CTCFL: variants seen among roughly 807,000 people sequenced by gnomAD.
The protein encoded by CTCFL is CCCTC-binding factor like.
In CTCFL, 36 loss-of-function variants were observed where a neutral mutation model predicts 67.4. That is an observed-to-expected ratio of 0.53 (90% confidence interval 0.41 to 0.71). CTCFL has a LOEUF of 0.71. CTCFL is among the 30% of genes least tolerant of loss of function. The probability of loss-of-function intolerance (pLI) is 0.00; values close to 1 mark genes in which losing one functional copy is unlikely to be tolerated. For missense variants in CTCFL, 786 were observed against 835.2 expected, an observed-to-expected ratio of 0.94 and a Z score of 0.73; for synonymous variants, 324 against 302.3, an observed-to-expected ratio of 1.07 and a Z score of -0.75.
intron 6 of CTCFL, 85 bp downstream of exon 6, chr20:57,515,625 TTTAA>T: frequency 6.4e-7 from 1 of 1,563,862 alleles, no homozygotes; most frequent in Non-Finnish European, 8.8e-7. Context: ...ACCTTTGAAC[TTTAA>T]TTGTGCCAAT....
intron 1 of CTCFL, chr20:57,524,710 G>C: frequency 1.0e-6 from 1 of 997,308 alleles, no homozygotes; most frequent in Non-Finnish European, 1.2e-6. Flanking sequence ...TCGGGCCCGA[G>C]CAGGCATTCC....
At chr20:57,514,566 AAAAG>A (rs1416029788) in intron 7 of CTCFL, 22 bp downstream of exon 7, 1 of 1,612,584 alleles carries the variant, frequency 6.2e-7, no homozygotes. Context: ...ATGCTGTAGT[AAAAG>A]AAAGATCGCT....
intron 1 of CTCFL, 93 bp from the exon 2 acceptor site, chr20:57,524,309 G>C: frequency 4.0e-6 from 6 of 1,517,262 alleles, no homozygotes; most frequent in Non-Finnish European, 5.2e-6. Flanking sequence ...GCAGGCTTTG[G>C]AGTTGAAACA....
In CTCFL at chr20:57,524,010, C is replaced by A. The variant is rs1201179389; in HGVS notation, c.196G>T (p.Glu66Ter). The A allele has an allele frequency of 6.2e-7, 1 of 1,613,346 alleles. No homozygotes were observed. The highest frequency in any genetic ancestry group is 8.5e-7 in the Non-Finnish European group (1 of 1,179,994). ...FQDSVLEEEV[E>*]LVLAPSEESE... is the part of the protein sequence containing the mutation. ...TCCTCCGAGGGGGCCAGCACCAGCT[C>A]CACTTCTTCCTCCAGGACGCTGTCC... The change falls in exon 2 of 11, where the codon GAG becomes TAG. Residue 66 changes from glutamate to a stop codon, truncating the protein, a stop_gained. Coordinates refer to ENST00000243914, the MANE Select transcript of CTCFL (RefSeq NM_001386993.1). LOFTEE classifies it high-confidence loss of function.
chr20:57,516,306 GA>G (rs2068920116), intron 5 of CTCFL, among the ~76,000 whole-genome samples: 1 of 152,174 alleles, frequency 6.6e-6, no homozygotes, highest in South Asian at 2.1e-4. Flanking sequence ...GGGAGGCTGA[GA>G]GGGGTGGATC....
At chr20:57,503,693 A>G in intron 9 of CTCFL, 92 bp from the exon 10 acceptor site, 1 of 1,399,008 alleles carries the variant, frequency 7.1e-7, no homozygotes, top group Admixed American at 2.1e-5. Flanking sequence ...CATGGAAAGA[A>G]AGAAAAATCC....
intron 8 of CTCFL, among the ~76,000 whole-genome samples, chr20:57,511,857 T>A (rs1210410979): frequency 6.6e-6 from 1 of 152,218 alleles, no homozygotes; most frequent in Non-Finnish European, 1.5e-5. Context: ...CCTCCCAAAG[T>A]GCTGGGATTG....
At chr20:57,514,457 G>T in intron 7 of CTCFL, 135 bp downstream of exon 7, 1 of 1,022,098 alleles carries the variant, frequency 9.8e-7, no homozygotes, top group Non-Finnish European at 1.5e-6. Flanking sequence ...ACTTCTGGAA[G>T]AAAATTCGTC....
In CTCFL at chr20:57,523,954, C is replaced by G; in HGVS notation, c.252G>C (p.Thr84=). ...ESEKYILTLQ[T]VHFTSEAVEL... ...CCACAGCTTCAGAAGTGAAGTGCAC[C>G]GTCTGCAGGGTCAGGATGTACTTCT... The change falls in exon 2 of 11, where the codon ACG becomes ACC. Residue 84 remains threonine, a synonymous_variant. Transcript: ENST00000243914. The G allele has an allele frequency of 6.2e-7, 1 of 1,613,108 alleles. No individual in the cohort carries two copies. The highest frequency in any genetic ancestry group is 8.5e-7 in the Non-Finnish European group (1 of 1,180,018).
intron 9 of CTCFL, chr20:57,507,004 A>T: frequency 1.0e-6 from 1 of 985,146 alleles, no homozygotes; most frequent in Non-Finnish European, 1.2e-6. Flanking sequence ...AACTTCAGGA[A>T]ATTCAACTTT....
intron 7 of CTCFL, chr20:57,513,165 T>A: frequency 1.2e-6 from 1 of 812,218 alleles, no homozygotes; most frequent in Non-Finnish European, 1.5e-6. Context: ...TGAGAACTAT[T>A]ATGGGGTAGG....
intron 8 of CTCFL, among the ~76,000 whole-genome samples, chr20:57,511,595 C>CG (rs1172402053): frequency 6.6e-6 from 1 of 150,686 alleles, no homozygotes; most frequent in African/African-American, 2.5e-5. Context: ...TAATCCCCCC[C>CG]CTTTTTTTTT....
chr20:57,522,707 C>G (rs561335643), intron 3 of CTCFL, among the ~76,000 whole-genome samples: 1 of 152,290 alleles, frequency 6.6e-6, no homozygotes, highest in Admixed American at 6.5e-5. Context: ...AAGGAGGAAT[C>G]ACTCCTTCTC....
chr20:57,523,028 C>T, intron 3 of CTCFL, 40 bp downstream of exon 3: 2 of 1,504,526 alleles, frequency 1.3e-6, no homozygotes, highest in South Asian at 2.4e-5. Flanking sequence ...AACAGCAGCC[C>T]AGTTTTAGGG....
intron 4 of CTCFL, 58 bp downstream of exon 4, chr20:57,519,149 C>A: frequency 6.5e-7 from 1 of 1,535,378 alleles, no homozygotes; most frequent in South Asian, 1.2e-5. Context: ...GATTCACATT[C>A]TTAACATAAG....
chr20:57,518,974 C>G, intron 4 of CTCFL, 83 bp from the exon 5 acceptor site: 1 of 1,466,676 alleles, frequency 6.8e-7, no homozygotes, highest in Non-Finnish European at 9.2e-7. Flanking sequence ...TAATTACACT[C>G]AGTCTCAAAA....
chr20:57,512,528 A>G, intron 8 of CTCFL, 64 bp downstream of exon 8: 1 of 1,511,804 alleles, frequency 6.6e-7, no homozygotes, highest in Non-Finnish European at 9.1e-7. Flanking sequence ...GTGGTAGAGA[A>G]TCCCACCCAG....
chr20:57,506,827 C>A (rs924402270), intron 9 of CTCFL: 2 of 985,132 alleles, frequency 2.0e-6, no homozygotes, highest in Non-Finnish European at 2.4e-6. Flanking sequence ...TTAATTTTAA[C>A]TCTTCACAAT....
intron 7 of CTCFL, chr20:57,513,745 T>C (rs993411368): frequency 8.2e-7 from 1 of 1,218,552 alleles, no homozygotes. Context: ...AAAAAATTCA[T>C]CTCATCTCCA....
Sources: allele counts gnomAD v4.1 joint callset (sites outside exome capture counted in the v4.1 genomes callset), GRCh38; gene constraint gnomAD v4.1.1; transcripts MANE v1.5; gene names NCBI Gene and HGNC (gene_info 2026-07-23, HGNC 2026-07-21).